The following TENM3 variants were observed in gnomAD, a reference collection of about 807,000 sequenced individuals.
TENM3 encodes the protein teneurin transmembrane protein 3.
In TENM3, 63 loss-of-function variants were observed where a neutral mutation model predicts 255.1. The ratio of observed to expected loss-of-function variants is 0.25; its 90% CI spans 0.20 to 0.30. TENM3 has a LOEUF of 0.30. Ranked by LOEUF, TENM3 falls within the 10% of genes least tolerant of loss-of-function variation. TENM3 has a pLI of 1.00. For synonymous variants in TENM3, 1,306 were observed against 1,322.3 expected (o/e 0.99, Z 0.27); for missense variants, 2,929 against 3,461.1 (o/e 0.85, Z 3.86).
At chr4:182,549,456 G>A (rs9993326) in intron 3 of TENM3, among the ~76,000 whole-genome samples, 1,684 of 152,188 alleles carry the variant, frequency 0.011, 30 homozygotes, top group African/African-American at 0.039. Flanking sequence ...CCATCTGATC[G>A]GATTTCAGAA....
At chr4:181,561,721 T>C in the TENM3 span, among the ~76,000 whole-genome samples, 72 of 152,368 alleles carry the variant, frequency 4.7e-4, no homozygotes, top group African/African-American at 1.6e-3. Context: ...TTGGACTTCC[T>C]ATTATTAATT....
the TENM3 span, among the ~76,000 whole-genome samples, chr4:181,812,296 A>T: frequency 1.3e-5 from 2 of 152,208 alleles, no homozygotes; most frequent in African/African-American, 4.8e-5. Flanking sequence ...ACCTTAGAGC[A>T]TTTGTTGAGA....
the TENM3 span, among the ~76,000 whole-genome samples, chr4:181,725,853 C>T: frequency 6.6e-6 from 1 of 152,088 alleles, no homozygotes; most frequent in Non-Finnish European, 1.5e-5. Flanking sequence ...TTCATCAAAT[C>T]GTTCAATCCT....
chr4:182,172,339 C>T (rs1401469628), intron 1 of TENM3, among the ~76,000 whole-genome samples: 1 of 152,040 alleles, frequency 6.6e-6, no homozygotes, highest in East Asian at 1.9e-4. Context: ...TAAGACACGT[C>T]CATTAAAGTT....
Position 182,731,015 on chromosome 4 carries a change from A to G in TENM3, c.2843A>G (p.Glu948Gly). 1 of 1,613,974 alleles carries G rather than the reference A, an allele frequency of 6.2e-7. No individual in the cohort carries two copies. Residue 948 changes from glutamate (E) to glycine (G), a missense_variant, in exon 16 of 28, where the codon GAG (glutamate) becomes GGG (glycine). Transcript: ENST00000511685. ...GATACCCTAGTCATGAAGAAAGAAG[A>G]GAATGACATTCCCAGCTGTGATCTG... is the stretch of plus-strand genomic sequence containing the variant. ...VMDTLVMKKEENDIPSCDLSG... is the reference protein window; with the variant it reads ...VMDTLVMKKEGNDIPSCDLSG...
the TENM3 span, among the ~76,000 whole-genome samples, chr4:182,085,993 A>C: frequency 6.6e-6 from 1 of 152,200 alleles, no homozygotes; most frequent in Admixed American, 6.5e-5. Context: ...GTTGTGATTT[A>C]AATAATAGCT....
intron 1 of TENM3, among the ~76,000 whole-genome samples, chr4:182,175,599 C>G (rs550009803): frequency 6.6e-6 from 1 of 152,126 alleles, no homozygotes; most frequent in Non-Finnish European, 1.5e-5. Context: ...CAGCACAGGA[C>G]AGGTTTTGAC....
chr4:182,498,465 C>T (rs1167824961), intron 3 of TENM3, among the ~76,000 whole-genome samples: 2 of 152,066 alleles, frequency 1.3e-5, no homozygotes, highest in African/African-American at 2.4e-5. Context: ...TAGGTTTCAC[C>T]GAGATGGTAC....
the TENM3 span, among the ~76,000 whole-genome samples, chr4:181,914,923 A>G: frequency 6.6e-6 from 1 of 152,168 alleles, no homozygotes; most frequent in African/African-American, 2.4e-5. Flanking sequence ...TTTGCTCATT[A>G]TGTAGCATTA....
chr4:182,791,863 GA>G (rs758637499), intron 25 of TENM3, among the ~76,000 whole-genome samples: 8 of 152,214 alleles, frequency 5.3e-5, no homozygotes, highest in Non-Finnish European at 8.8e-5. Context: ...ATGAGGGGGG[GA>G]AAGCCACCTT....
the TENM3 span, among the ~76,000 whole-genome samples, chr4:181,603,299 G>A: frequency 1.3e-5 from 2 of 152,146 alleles, no homozygotes; most frequent in Non-Finnish European, 2.9e-5. Flanking sequence ...GATCCTAATA[G>A]GGCAATAATT....
At chr4:182,618,952 T>G (rs1581119184) in intron 4 of TENM3, among the ~76,000 whole-genome samples, 1 of 148,308 alleles carries the variant, frequency 6.7e-6, no homozygotes, top group South Asian at 2.2e-4. Context: ...GGGGTGGGGG[T>G]TGGGAGCAGG....
chr4:182,663,644 G>T (rs149329454), intron 6 of TENM3, among the ~76,000 whole-genome samples: 12 of 152,160 alleles, frequency 7.9e-5, no homozygotes, highest in African/African-American at 2.9e-4. Context: ...CCTTTCTTAT[G>T]AATATAAACA....
chr4:182,790,717 A>G (rs148892371), intron 25 of TENM3, among the ~76,000 whole-genome samples: 93 of 152,358 alleles, frequency 6.1e-4, no homozygotes, highest in African/African-American at 2.1e-3. Flanking sequence ...GGAGAGGATC[A>G]TGGCTTCGTT....
At chr4:182,592,595 C>T in intron 3 of TENM3, among the ~76,000 whole-genome samples, 1 of 152,284 alleles carries the variant, frequency 6.6e-6, no homozygotes, top group Non-Finnish European at 1.5e-5. Context: ...CGTGTTGGCG[C>T]ACGCCTGTAA....
chr4:181,663,991 T>C, the TENM3 span, among the ~76,000 whole-genome samples: 1 of 152,212 alleles, frequency 6.6e-6, no homozygotes, highest in African/African-American at 2.4e-5. Flanking sequence ...TTCAGACTCT[T>C]TGAACACATA....
the TENM3 span, among the ~76,000 whole-genome samples, chr4:181,464,402 G>C: frequency 1.3e-5 from 2 of 152,128 alleles, no homozygotes; most frequent in Non-Finnish European, 2.9e-5. Flanking sequence ...ATGACGACTG[G>C]TGTTAAGCAT....
At chr4:182,770,448 C>T (rs1028688209) in intron 22 of TENM3, among the ~76,000 whole-genome samples, 5 of 152,136 alleles carry the variant, frequency 3.3e-5, no homozygotes, top group African/African-American at 1.2e-4. Flanking sequence ...ACCCCGACAC[C>T]TTCCTCCGCA....
chr4:181,590,177 T>G, the TENM3 span, among the ~76,000 whole-genome samples: 40 of 152,152 alleles, frequency 2.6e-4, no homozygotes, highest in Non-Finnish European at 4.3e-4. Flanking sequence ...CAAGAAACCA[T>G]GTACATAAGA....
Sources: gnomAD v4.1 joint callset for allele counts (sites outside exome capture counted in the v4.1 genomes callset) on GRCh38, gnomAD v4.1.1 for gene constraint, MANE v1.5 for transcripts, NCBI Gene and HGNC (gene_info 2026-07-23, HGNC 2026-07-21) for gene names.